The following TBCE variants were observed in gnomAD, a reference collection of about 807,000 sequenced individuals.
The protein encoded by TBCE is tubulin-specific chaperone E.
A neutral mutation model predicts 77.0 loss-of-function variants in TBCE; 53 were observed. The observed-to-expected ratio is 0.69, with a 90% CI of 0.55 to 0.87. The LOEUF is 0.87. Ranked by LOEUF, TBCE falls within the 40% of genes least tolerant of loss-of-function variation. The probability of loss-of-function intolerance (pLI) is 0.00; values close to 1 mark genes in which losing one functional copy is unlikely to be tolerated. For synonymous variants in TBCE, 235 were observed against 241.3 expected (o/e 0.97, Z 0.24); for missense variants, 624 against 622.4 (o/e 1.00, Z -0.03).
At chr1:235,425,391 G>T (rs1430509157) in intron 5 of TBCE, among the ~76,000 whole-genome samples, 1 of 152,074 alleles carries the variant, frequency 6.6e-6, no homozygotes, top group Non-Finnish European at 1.5e-5. Context: ...CATGCTGCTG[G>T]TTTGCTCCGG....
chr1:235,415,020 A>T, intron 4 of TBCE: 1 of 273,084 alleles, frequency 3.7e-6, no homozygotes, highest in Admixed American at 4.8e-5. Flanking sequence ...AATAGTAGGG[A>T]GTAGTTCTCA....
At chr1:235,440,973 G>A (rs542959103) in intron 13 of TBCE, 2 of 152,268 alleles carry the variant, frequency 1.3e-5, no homozygotes, top group Non-Finnish European at 2.9e-5. Flanking sequence ...CTTAATGCAA[G>A]AAGCTCGCTG....
At chr1:235,424,026 C>T (rs1201555869) in intron 5 of TBCE, among the ~76,000 whole-genome samples, 1 of 152,126 alleles carries the variant, frequency 6.6e-6, no homozygotes, top group Admixed American at 6.6e-5. Flanking sequence ...TGGAGTGATG[C>T]CACTGTTTTT....
Position 235,448,988 on chromosome 1 carries a change from C to A in TBCE, c.*226C>A. 2.2e-6 allele frequency: 1 copy of A among 456,392 alleles called. No individual in the cohort carries two copies. Among genetic ancestry groups the A allele is most frequent in the African/African-American group, 2.0e-5 (1 of 50,522 alleles). The allele number at this position is 456,392 out of a possible 1,614,324, so 28.3% of individuals were successfully genotyped here. On this transcript the variant is annotated 3_prime_UTR_variant, in exon 17 of 17. Coordinates refer to ENST00000642610, the MANE Select transcript of TBCE (RefSeq NM_003193.5). ...TACTAATGATTTTCTGATCTTATTT[C>A]ATATTTATTTTTACAGCTCATCACT...
intron 5 of TBCE, among the ~76,000 whole-genome samples, chr1:235,421,154 A>G (rs1267937088): frequency 1.3e-5 from 2 of 152,176 alleles, no homozygotes; most frequent in African/African-American, 2.4e-5. Flanking sequence ...CATGCTGGTA[A>G]TCTCAGCATG....
intron 1 of TBCE, among the ~76,000 whole-genome samples, chr1:235,375,705 A>G (rs12745648): frequency 0.14 from 20,655 of 152,080 alleles, 1,696 homozygotes; most frequent in African/African-American, 0.22. Flanking sequence ...GTATCAAGAA[A>G]GACATTATTA....
chr1:235,413,432 C>G (rs949091869), intron 3 of TBCE, among the ~76,000 whole-genome samples: 3 of 150,988 alleles, frequency 2.0e-5, no homozygotes, highest in Admixed American at 6.6e-5. Flanking sequence ...GAGGTCAAGG[C>G]GGGAGGATCA....
intron 7 of TBCE, among the ~76,000 whole-genome samples, chr1:235,431,250 G>A (rs1312651324): frequency 6.6e-6 from 1 of 152,140 alleles, no homozygotes; most frequent in Non-Finnish European, 1.5e-5. Context: ...ATACAGCCGG[G>A]CTCAAAAGTA....
At chr1:235,375,982 A>C (rs890974036) in intron 1 of TBCE, among the ~76,000 whole-genome samples, 1 of 152,108 alleles carries the variant, frequency 6.6e-6, no homozygotes, top group African/African-American at 2.4e-5. Flanking sequence ...CGGGCGGTGG[A>C]GGTTGCAGAG....
intron 2 of TBCE, among the ~76,000 whole-genome samples, chr1:235,385,584 T>G (rs1558350910): frequency 6.6e-6 from 1 of 152,182 alleles, no homozygotes; most frequent in Non-Finnish European, 1.5e-5. Context: ...GCCTTCTTTG[T>G]GTCTTTTGAT....
At chr1:235,441,557 G>A (rs1187407818) in intron 13 of TBCE, 2 of 514,576 alleles carry the variant, frequency 3.9e-6, no homozygotes, top group African/African-American at 3.8e-5. Context: ...GTTGTCTTTT[G>A]TTGAGTTTCA....
chr1:235,382,919 G>T (rs1677769674), intron 2 of TBCE, among the ~76,000 whole-genome samples: 1 of 150,684 alleles, frequency 6.6e-6, no homozygotes, highest in Non-Finnish European at 1.5e-5. Context: ...GTATTGCCTA[G>T]GTTTTCTTCT....
At chr1:235,417,060 T>G (rs1680149971) in intron 4 of TBCE, among the ~76,000 whole-genome samples, 1 of 152,248 alleles carries the variant, frequency 6.6e-6, no homozygotes, top group Admixed American at 6.5e-5. Flanking sequence ...AGCCATTGTC[T>G]TATCTCATCA....
At chr1:235,374,014 G>A (rs1370623879) in intron 1 of TBCE, among the ~76,000 whole-genome samples, 1 of 144,292 alleles carries the variant, frequency 6.9e-6, no homozygotes, top group Non-Finnish European at 1.5e-5. Context: ...TTTCTTTGTT[G>A]CCCAGGCTGG....
intron 1 of TBCE, among the ~76,000 whole-genome samples, chr1:235,374,779 G>A (rs563172202): frequency 2.7e-5 from 4 of 145,714 alleles, no homozygotes; most frequent in South Asian, 2.1e-4. Context: ...GGGATTACAG[G>A]TGTGAGCTAC....
chr1:235,397,211 T>A (rs1024202876), intron 2 of TBCE, among the ~76,000 whole-genome samples: 4 of 149,128 alleles, frequency 2.7e-5, no homozygotes, highest in African/African-American at 4.9e-5. Flanking sequence ...TTTTTTTTTT[T>A]TTTTTTTTGA....
At chr1:235,417,467 A>T (rs1462755549) in intron 4 of TBCE, among the ~76,000 whole-genome samples, 1 of 152,240 alleles carries the variant, frequency 6.6e-6, no homozygotes, top group East Asian at 1.9e-4. Context: ...TTTATAAAAA[A>T]GCAAGTATCT....
intron 16 of TBCE, 65 bp from the exon 17 acceptor site, chr1:235,448,605 A>T: frequency 7.0e-7 from 1 of 1,430,000 alleles, no homozygotes; most frequent in Non-Finnish European, 9.9e-7. Flanking sequence ...GGGGAAGAGT[A>T]TGTGTAGCAT....
chr1:235,451,316 C>T lies in TBCE; in HGVS notation c.*2554C>T, dbSNP rs1682882404. 6.6e-6 allele frequency: 1 copy of T among 152,106 alleles called. No homozygotes were observed. The highest frequency in any genetic ancestry group is 6.6e-5 in the Admixed American group (1 of 15,264). The allele number at this position is 152,106 out of a possible 1,614,324, so 9.4% of individuals were successfully genotyped here. On this transcript the variant is annotated 3_prime_UTR_variant, in exon 17 of 17. Transcript: ENST00000642610. ...GGTAGGTCTGGGGCTGGTAGTCAGT[C>T]TGTGTAAGCCCAACAGTTCCAAGCC...
Sources: gnomAD v4.1 joint callset for allele counts (sites outside exome capture counted in the v4.1 genomes callset) on GRCh38, gnomAD v4.1.1 for gene constraint, MANE v1.5 for transcripts, NCBI Gene and HGNC (gene_info 2026-07-23, HGNC 2026-07-21) for gene names.